Variants in ARID2 observed in about 807,000 individuals in gnomAD.
ARID2 encodes the protein AT-rich interaction domain 2.
ARID2 carries 32 observed loss-of-function variants against 184.6 expected under a neutral mutation model. The observed-to-expected ratio is 0.17, with a 90% CI of 0.13 to 0.23. The LOEUF is 0.23. Among genes scored for constraint, ARID2 ranks in the 10% least tolerant of loss-of-function variants. The pLI is 1.00. For missense variants in ARID2, 1,696 were observed against 2,197.6 expected (o/e 0.77, Z 4.56); for synonymous variants, 836 against 772.6 (o/e 1.08, Z -1.36).
At chr12:45,886,987 T>G (rs1388012462) in intron 16 of ARID2, among the ~76,000 whole-genome samples, 1 of 152,238 alleles carries the variant, frequency 6.6e-6, no homozygotes, top group Non-Finnish European at 1.5e-5. Context: ...TTCAGCTCCT[T>G]GTTACTTATA....
intron 6 of ARID2, among the ~76,000 whole-genome samples, chr12:45,830,479 C>T (rs888162013): frequency 2.6e-5 from 4 of 152,062 alleles, no homozygotes; most frequent in African/African-American, 7.2e-5. Context: ...GCCCTTTTGC[C>T]TCCTTTTCTT....
chr12:45,850,827 C>G lies in ARID2; in HGVS notation c.2704C>G (p.Pro902Ala). The change falls in exon 15 of 21, where the codon CCT becomes GCT. Residue 902 changes from proline to alanine, a missense_variant. Physicochemically the swap from Pro to Ala is conservative, Grantham distance 27. Coordinates refer to ENST00000334344, the MANE Select transcript of ARID2 (RefSeq NM_152641.4). ...TCAGAACATTGCACCAAAACCTCTC[C>G]CTTCTCAGCAAGTTTCATCTACAGT... ...GFQNIAPKPL[P>A]SQQVSSTVVQ... The G allele has an allele frequency of 6.2e-7, 1 of 1,614,124 alleles. No individual in the cohort carries two copies. Among genetic ancestry groups the G allele is most frequent in the Non-Finnish European group, 8.5e-7 (1 of 1,180,012 alleles).
At chr12:45,881,901 A>C in intron 16 of ARID2, 1 of 197,444 alleles carries the variant, frequency 5.1e-6, no homozygotes, top group South Asian at 9.1e-5. Flanking sequence ...GGAGGTTTTC[A>C]CCCCAGAGCC....
At chr12:45,800,884 T>G (rs1942485696) in intron 3 of ARID2, among the ~76,000 whole-genome samples, 1 of 152,144 alleles carries the variant, frequency 6.6e-6, no homozygotes, top group Non-Finnish European at 1.5e-5. Context: ...AGCATTTGAC[T>G]GAATAACGAT....
rs186492120 is a variant in ARID2, at chr12:45,794,422, A to G, written c.285-16996A>G. 7.4e-4 allele frequency among the ~76,000 whole-genome samples: 112 copies of G among 152,344 alleles called. 1 individual carries two copies. The Middle Eastern group carries it at 0.017, about 23-fold the overall frequency. On this transcript the variant is annotated intron_variant, in intron 3 of 20. Transcript: ENST00000334344. ...GACCTACATTGGAACCCTTTGCTCT[A>G]TCTCTTTATTTCATGCAATTTCTAA...
chr12:45,730,998 C>G (rs12369762), intron 2 of ARID2, among the ~76,000 whole-genome samples: 1 of 151,682 alleles, frequency 6.6e-6, no homozygotes, highest in Non-Finnish European at 1.5e-5. Context: ...CAAACCCCCC[C>G]ACCCCCAAAC....
intron 3 of ARID2, among the ~76,000 whole-genome samples, chr12:45,750,023 A>G (rs1041676482): frequency 2.6e-5 from 4 of 152,212 alleles, no homozygotes; most frequent in African/African-American, 9.6e-5. Context: ...TTCCTTTTAC[A>G]TTCACAACAT....
chr12:45,818,433 C>T (rs1272263207), intron 5 of ARID2, among the ~76,000 whole-genome samples: 1 of 152,104 alleles, frequency 6.6e-6, no homozygotes, highest in Non-Finnish European at 1.5e-5. Flanking sequence ...ACTCAGTTTT[C>T]TCTTGCAGTT....
chr12:45,893,003 T>G (rs1197835398), intron 18 of ARID2, among the ~76,000 whole-genome samples: 1 of 152,200 alleles, frequency 6.6e-6, no homozygotes, highest in East Asian at 1.9e-4. Flanking sequence ...GTAATATTAC[T>G]TTACTCTTAG....
rs117396674 is a variant in ARID2, at chr12:45,822,377, T to C, written c.705+890T>C. ...TATTTTTTACTTCATTATACAAAAA[T>C]ATTAAAGAATTAGCTGGGCGTGGTT... On this transcript the variant is annotated intron_variant, in intron 6 of 20. Coordinates refer to ENST00000334344, the MANE Select transcript of ARID2 (RefSeq NM_152641.4). Among the ~76,000 whole-genome samples, 40 of 152,044 alleles carry C rather than the reference T, an allele frequency of 2.6e-4. No homozygotes were observed. In the East Asian group the frequency reaches 7.7e-3, roughly 29 times the overall value.
intron 16 of ARID2, among the ~76,000 whole-genome samples, chr12:45,890,371 G>A (rs1944281457): frequency 6.6e-6 from 1 of 152,232 alleles, no homozygotes; most frequent in Admixed American, 6.5e-5. Context: ...ATAGTGAGTA[G>A]TAGTACATTT....
chr12:45,826,366 A>G (rs972385781), intron 6 of ARID2, among the ~76,000 whole-genome samples: 3 of 151,118 alleles, frequency 2.0e-5, no homozygotes, highest in Admixed American at 6.6e-5. Flanking sequence ...ATAGTGGGAA[A>G]AGAGAGAGAG....
rs975723169 is a variant in ARID2 at position 45,819,334 on chromosome 12, T to C, written c.637+1446T>C. ...ACTAAATTATTGTGTAGTATAATAATGCAAAACCGCATTAATTTAGCAAGT... is the reference window on the plus strand; with the variant it reads ...ACTAAATTATTGTGTAGTATAATAACGCAAAACCGCATTAATTTAGCAAGT... On this transcript the variant is annotated intron_variant, in intron 5 of 20. Coordinates refer to ENST00000334344, the MANE Select transcript of ARID2 (RefSeq NM_152641.4). Among the ~76,000 whole-genome samples, 5 of 152,198 alleles carry C rather than the reference T, an allele frequency of 3.3e-5. No individual in the cohort carries two copies. The East Asian group carries it at 7.7e-4, about 23-fold the overall frequency.
chr12:45,744,566 CT>C (rs1462857784), intron 3 of ARID2, among the ~76,000 whole-genome samples: 1 of 152,030 alleles, frequency 6.6e-6, no homozygotes, highest in East Asian at 1.9e-4. Context: ...AATTATCTTT[CT>C]TTTTCTATCT....
chr12:45,747,718 A>G (rs943096317), intron 3 of ARID2, among the ~76,000 whole-genome samples: 1 of 152,228 alleles, frequency 6.6e-6, no homozygotes, highest in Non-Finnish European at 1.5e-5. Context: ...TTTATTAAAC[A>G]AGCATCAAGA....
At chr12:45,769,219 C>T (rs1402070854) in intron 3 of ARID2, among the ~76,000 whole-genome samples, 2 of 152,050 alleles carry the variant, frequency 1.3e-5, no homozygotes, top group Non-Finnish European at 2.9e-5. Flanking sequence ...GTAAAAGTGA[C>T]CAGATTTTGG....
intron 11 of ARID2, among the ~76,000 whole-genome samples, chr12:45,842,518 G>A (rs537613587): frequency 6.6e-6 from 1 of 151,952 alleles, no homozygotes; most frequent in East Asian, 1.9e-4. Context: ...CAGCACTTTG[G>A]GAGGCCAAGG....
At chr12:45,815,669 T>G (rs1942792119) in intron 4 of ARID2, among the ~76,000 whole-genome samples, 1 of 152,084 alleles carries the variant, frequency 6.6e-6, no homozygotes, top group Admixed American at 6.6e-5. Context: ...ATTCTTTTGT[T>G]ATTGTTGTTA....
chr12:45,891,942 A>AT, intron 17 of ARID2, 24 bp downstream of exon 17: 1 of 1,613,948 alleles, frequency 6.2e-7, no homozygotes, highest in Non-Finnish European at 8.5e-7. Context: ...ATACTATTTG[A>AT]TCAGTAACTC....
Sources: allele counts gnomAD v4.1 joint callset (sites outside exome capture counted in the v4.1 genomes callset), GRCh38; gene constraint gnomAD v4.1.1; transcripts MANE v1.5; gene names NCBI Gene and HGNC (gene_info 2026-07-23, HGNC 2026-07-21).